Variants in DTNBP1 observed in about 807,000 individuals in gnomAD.
The protein encoded by DTNBP1 is dystrobrevin binding protein 1.
DTNBP1 carries 35 observed loss-of-function variants against 42.8 expected under a neutral mutation model. The observed-to-expected ratio is 0.82, with a 90% confidence interval of 0.63 to 1.09. The LOEUF is 1.09. Among genes scored for constraint, DTNBP1 ranks in the 50% least tolerant of loss-of-function variants. The pLI is 0.00. For missense variants in DTNBP1, 457 were observed against 424.2 expected (o/e 1.08, Z -0.68); for synonymous variants, 171 against 162.2 (o/e 1.05, Z -0.41).
chr6:15,544,768 T>C (rs1773778134), intron 7 of DTNBP1, among the ~76,000 whole-genome samples: 1 of 152,238 alleles, frequency 6.6e-6, no homozygotes, highest in African/African-American at 2.4e-5. Flanking sequence ...CCTGCAACAC[T>C]TCTAGTCCCA....
At position 15,524,562 on chromosome 6, in the gene DTNBP1, C is replaced by T. The variant is rs1772223048; in HGVS notation, c.775G>A (p.Gly259Arg). Residue 259 changes from glycine to arginine, a missense_variant, in exon 9 of 10, where the codon GGA becomes AGA. Transcript: ENST00000344537. ...QEALDVFLNS[G>R]GEENTVLSPA... ...GACAGCACAGTGTTCTCTTCTCCTC[C>T]AGAGTTCAGGAAGACGTCCAGGGCC... 3 of 1,610,650 alleles carry T rather than the reference C, an allele frequency of 1.9e-6. No individual in the cohort carries two copies. Among genetic ancestry groups the T allele is most frequent in the Non-Finnish European group, 1.7e-6 (2 of 1,177,980 alleles).
intron 7 of DTNBP1, among the ~76,000 whole-genome samples, chr6:15,543,323 G>T (rs1400018368): frequency 6.6e-6 from 1 of 152,060 alleles, no homozygotes; most frequent in Non-Finnish European, 1.5e-5. Flanking sequence ...CATAATTCTG[G>T]TATAAGGTCA....
intron 6 of DTNBP1, among the ~76,000 whole-genome samples, chr6:15,608,881 A>G (rs10456775): frequency 0.15 from 22,523 of 152,248 alleles, 1,878 homozygotes; most frequent in East Asian, 0.3. Context: ...ATTTACAAAA[A>G]TATGTATTTG....
At chr6:15,589,446 C>T (rs1441813411) in intron 7 of DTNBP1, among the ~76,000 whole-genome samples, 3 of 152,224 alleles carry the variant, frequency 2.0e-5, no homozygotes, top group Non-Finnish European at 2.9e-5. Flanking sequence ...TCAGGCCTCC[C>T]CTCTCTCTAG....
chr6:15,574,690 G>A (rs560106421), intron 7 of DTNBP1, among the ~76,000 whole-genome samples: 1 of 152,142 alleles, frequency 6.6e-6, no homozygotes, highest in South Asian at 2.1e-4. Flanking sequence ...AAACTTTTGT[G>A]GGGGAGGAGG....
chr6:15,585,105 A>C (rs1263853836), intron 7 of DTNBP1, among the ~76,000 whole-genome samples: 1 of 111,754 alleles, frequency 8.9e-6, no homozygotes, highest in Non-Finnish European at 1.8e-5. Context: ...ATATATATAT[A>C]TATATATTCA....
At chr6:15,573,404 G>A (rs1238866947) in intron 7 of DTNBP1, among the ~76,000 whole-genome samples, 1 of 152,144 alleles carries the variant, frequency 6.6e-6, no homozygotes, top group Non-Finnish European at 1.5e-5. Context: ...ACAGTAAAGA[G>A]TCCATTGGAA....
rs1211549752 is a variant in DTNBP1 at position 15,627,255 on chromosome 6, G to C, written c.355+88C>G. 5.8e-6 allele frequency: 9 copies of C among 1,538,686 alleles called. No individual in the cohort carries two copies. In the East Asian group the frequency reaches 1.6e-4, roughly 27 times the overall value. On this transcript the variant is annotated intron_variant, in intron 5 of 9. Coordinates refer to ENST00000344537, the MANE Select transcript of DTNBP1 (RefSeq NM_032122.5). ...ATCCTGTTAACCCAGAATTTCATGT[G>C]TTCCTGAAAAGCTCTGAAATTACAC...
chr6:15,540,395 A>G (rs969207131), intron 7 of DTNBP1, among the ~76,000 whole-genome samples: 1 of 152,234 alleles, frequency 6.6e-6, no homozygotes, highest in Non-Finnish European at 1.5e-5. Context: ...AAAACCAAAG[A>G]TCAATGCAGA....
intron 7 of DTNBP1, among the ~76,000 whole-genome samples, chr6:15,582,411 TACTA>T (rs1775881252): frequency 1.3e-5 from 2 of 152,332 alleles, no homozygotes; most frequent in South Asian, 4.1e-4. Context: ...GATACTGTGG[TACTA>T]ACTATGAAAT....
chr6:15,594,700 T>C (rs1776435729), intron 6 of DTNBP1, among the ~76,000 whole-genome samples: 1 of 151,958 alleles, frequency 6.6e-6, no homozygotes, highest in South Asian at 2.1e-4. Context: ...ATCCTCACAT[T>C]AGCAATTCCC....
rs200026751 is a variant in DTNBP1, at chr6:15,523,085, A to G, written c.946T>C (p.Ser316Pro). The change falls in exon 10 of 10, where the codon TCC becomes CCC. Residue 316 changes from serine to proline, a missense_variant. Ser to Pro is a moderately conservative substitution (Grantham distance 74). Transcript: ENST00000344537. ...ATRDISEGGE[S>P]PVVQSDEEEV... ...TCCTCATCGGACTGAACAACGGGGGACTCCCCACCCTCACTGATGTCCCGG... is the reference window on the plus strand; with the variant it reads ...TCCTCATCGGACTGAACAACGGGGGGCTCCCCACCCTCACTGATGTCCCGG... 46 of 1,613,700 alleles carry G rather than the reference A, an allele frequency of 2.9e-5. No individual in the cohort carries two copies. The East Asian group carries it at 8.9e-4, about 31-fold the overall frequency.
At chr6:15,581,478 GTTT>G (rs68011795) in intron 7 of DTNBP1, among the ~76,000 whole-genome samples, 2 of 90,380 alleles carry the variant, frequency 2.2e-5, no homozygotes, top group African/African-American at 9.0e-5. Flanking sequence ...GCGCCCGACT[GTTT>G]TTTTTTTTTT....
At chr6:15,560,199 G>A (rs1192852461) in intron 7 of DTNBP1, among the ~76,000 whole-genome samples, 5 of 152,166 alleles carry the variant, frequency 3.3e-5, no homozygotes, top group East Asian at 1.9e-4. Flanking sequence ...CCAGCTACTC[G>A]GGAGGCTAAG....
chr6:15,578,241 CCTTCT>C (rs1775669099), intron 7 of DTNBP1, among the ~76,000 whole-genome samples: 1 of 152,208 alleles, frequency 6.6e-6, no homozygotes, highest in South Asian at 2.1e-4. Context: ...AGCACAGAGC[CCTTCT>C]CTTCTGACTG....
intron 5 of DTNBP1, among the ~76,000 whole-genome samples, chr6:15,622,597 T>C (rs183080277): frequency 1.1e-4 from 16 of 152,314 alleles, no homozygotes; most frequent in African/African-American, 3.4e-4. Flanking sequence ...CTAGCAGGCC[T>C]CCATGGACAC....
intron 5 of DTNBP1, among the ~76,000 whole-genome samples, chr6:15,624,610 T>C (rs1437030756): frequency 6.6e-6 from 1 of 151,850 alleles, no homozygotes; most frequent in Non-Finnish European, 1.5e-5. Context: ...GCCTGGAAAA[T>C]GGAGGGACTG....
intron 5 of DTNBP1, among the ~76,000 whole-genome samples, chr6:15,619,822 ATTCT>A (rs1178896065): frequency 2.6e-5 from 4 of 151,892 alleles, no homozygotes; most frequent in African/African-American, 4.8e-5. Context: ...ATCCAATTAC[ATTCT>A]TTAAGTTATT....
chr6:15,570,089 T>TA (rs1775276829), intron 7 of DTNBP1, among the ~76,000 whole-genome samples: 1 of 151,758 alleles, frequency 6.6e-6, no homozygotes, highest in Non-Finnish European at 1.5e-5. Flanking sequence ...TATACAGGGG[T>TA]AGACCTGCTA....
Sources: gnomAD v4.1 joint callset for allele counts (sites outside exome capture counted in the v4.1 genomes callset) on GRCh38, gnomAD v4.1.1 for gene constraint, MANE v1.5 for transcripts, NCBI Gene and HGNC (gene_info 2026-07-23, HGNC 2026-07-21) for gene names.